Variants in B3GNT3 observed in about 807,000 individuals in gnomAD.
B3GNT3 encodes the protein UDP-GlcNAc:betaGal beta-1,3-N-acetylglucosaminyltransferase 3, also known as N-acetyllactosaminide beta-1,3-N-acetylglucosaminyltransferase 3.
B3GNT3 carries 7 observed loss-of-function variants against 11.6 expected under a neutral mutation model. The observed-to-expected ratio is 0.60, with a 90% CI of 0.34 to 1.13. B3GNT3 has a LOEUF of 1.13. Among genes scored for constraint, B3GNT3 ranks in the 50% most tolerant of loss-of-function variants. The pLI, the probability that B3GNT3 is intolerant of heterozygous loss-of-function variation, is 0.03. For missense variants in B3GNT3, 400 were observed against 507.4 expected, an observed-to-expected ratio of 0.79 and a Z score of 2.03; for synonymous variants, 201 against 222.1, an observed-to-expected ratio of 0.90 and a Z score of 0.85.
chr19:17,804,659 T>A (rs1181973955), intron 1 of B3GNT3, among the ~76,000 whole-genome samples: 2 of 148,106 alleles, frequency 1.4e-5, no homozygotes, highest in Non-Finnish European at 3.0e-5. Context: ...TTCCTCAGCC[T>A]CCTGAGTAGC....
chr19:17,807,035 G>C (rs1019683737), intron 1 of B3GNT3, among the ~76,000 whole-genome samples: 7 of 151,366 alleles, frequency 4.6e-5, no homozygotes, highest in Non-Finnish European at 8.8e-5. Flanking sequence ...CAGGATGGTG[G>C]ACTCATGGTC....
chr19:17,807,963 A>T lies in B3GNT3; in HGVS notation c.156A>T (p.Pro52=). The T allele has an allele frequency of 2.1e-5, 26 of 1,223,078 alleles. No individual in the cohort carries two copies. Among genetic ancestry groups the T allele is most frequent in the Non-Finnish European group, 2.8e-5 (24 of 866,288 alleles). 75.8% of individuals were successfully genotyped at this position (1,223,078 alleles called of 1,614,324 possible). A position where few individuals can be genotyped will look rare whatever the true frequency, so the allele number is the denominator to read the frequency against. The stretch of plus-strand genomic sequence containing the variant: ...CCGAGGCCCTGGCCTGGCCCACTCC[A>T]CCCACCCGCCCAGCCCCGGCCCCGT... The part of the protein sequence containing the change: ...AIPEALAWPT[P]PTRPAPAPCH... Residue 52 remains proline, a synonymous_variant, in exon 2 of 3, where the codon CCA becomes CCT. Coordinates refer to ENST00000318683, the MANE Select transcript of B3GNT3 (RefSeq NM_014256.4).
At chr19:17,803,899 T>C (rs2094169422) in intron 1 of B3GNT3, among the ~76,000 whole-genome samples, 1 of 152,024 alleles carries the variant, frequency 6.6e-6, no homozygotes, top group African/African-American at 2.4e-5. Context: ...AGGTGGCTTA[T>C]GTCTGTAATC....
Position 17,811,654 on chromosome 19 carries a change from A to C in B3GNT3, c.651A>C (p.Thr217=). ...LNGDDDVFAH[T]DNMVFYLQDH... ...GGGATGATGACGTCTTTGCACACACAGACAACATGGTCTTCTACCTGCAGG... is the reference window on the plus strand; with the variant it reads ...GGGATGATGACGTCTTTGCACACACCGACAACATGGTCTTCTACCTGCAGG... Residue 217 remains threonine (T), a synonymous_variant, in exon 3 of 3, where the codon ACA becomes ACC. Coordinates refer to ENST00000318683, the MANE Select transcript of B3GNT3 (RefSeq NM_014256.4). This position sits in a 1 kb window ranked among gnomAD's most constrained non-coding sequence, Gnocchi z 4.1. 1 of 1,614,224 alleles carries C rather than the reference A, an allele frequency of 6.2e-7. No homozygotes were observed. The highest frequency in any genetic ancestry group is 8.5e-7 in the Non-Finnish European group (1 of 1,180,030).
Position 17,807,960 on chromosome 19 carries a change from T to TCC in B3GNT3, c.154_155dup (p.Pro53HisfsTer61). Reference sequence around the variant, plus strand: ...TCCCCGAGGCCCTGGCCTGGCCCACTCCACCCACCCGCCCAGCCCCGGCCC... The same window carrying TCC: ...TCCCCGAGGCCCTGGCCTGGCCCACTCCCCACCCACCCGCCCAGCCCCGGCCC... On this transcript the variant is annotated frameshift_variant, in exon 2 of 3. Transcript: ENST00000318683. LOFTEE classifies it high-confidence loss of function. The TCC allele has an allele frequency of 6.2e-7, 1 of 1,609,540 alleles. No individual in the cohort carries two copies. Among genetic ancestry groups the TCC allele is most frequent in the Non-Finnish European group, 8.5e-7 (1 of 1,178,122 alleles).
At chr19:17,806,358 G>GGGCT (rs1241729667) in intron 1 of B3GNT3, among the ~76,000 whole-genome samples, 5 of 152,086 alleles carry the variant, frequency 3.3e-5, no homozygotes, top group African/African-American at 1.2e-4. Flanking sequence ...ATTGAGGGCA[G>GGGCT]GGCTGGCTTG....
intron 2 of B3GNT3, among the ~76,000 whole-genome samples, chr19:17,809,080 C>T (rs917344679): frequency 1.3e-5 from 2 of 151,936 alleles, no homozygotes; most frequent in Non-Finnish European, 1.5e-5. Flanking sequence ...GTGATCTTCC[C>T]GCCTCGGCCT....
At chr19:17,805,304 G>T (rs1188807848) in intron 1 of B3GNT3, among the ~76,000 whole-genome samples, 1 of 151,878 alleles carries the variant, frequency 6.6e-6, no homozygotes, top group East Asian at 1.9e-4. Context: ...TCACCATGTT[G>T]CCCAGGCTGG....
intron 1 of B3GNT3, among the ~76,000 whole-genome samples, chr19:17,806,983 G>T (rs904082082): frequency 6.7e-5 from 10 of 149,430 alleles, no homozygotes; most frequent in South Asian, 2.1e-4. Context: ...TTCTGATACT[G>T]CTCCATGCTG....
chr19:17,812,468 G>A lies in B3GNT3; in HGVS notation c.*346G>A, dbSNP rs146981100. The A allele has an allele frequency of 6.8e-4, 177 of 259,844 alleles. 3 individuals are homozygous for A. Among genetic ancestry groups the A allele is most frequent in the African/African-American group, 2.5e-3 (114 of 44,854 alleles). 16.1% of individuals were successfully genotyped at this position (259,844 alleles called of 1,614,324 possible). A position where few individuals can be genotyped will look rare whatever the true frequency, so the allele number is the denominator to read the frequency against. On this transcript the variant is annotated 3_prime_UTR_variant, in exon 3 of 3. Coordinates refer to ENST00000318683, the MANE Select transcript of B3GNT3 (RefSeq NM_014256.4). ...TCCCTGCTCTCACCTACTCACAGAC[G>A]GGATGCTAAGCAGTGCACCTGCAGT...
intron 1 of B3GNT3, among the ~76,000 whole-genome samples, chr19:17,806,770 G>T (rs1048812252): frequency 1.3e-5 from 2 of 151,926 alleles, no homozygotes; most frequent in Non-Finnish European, 2.9e-5. Context: ...TGGCCAACAC[G>T]GTGAAACCTT....
chr19:17,801,920 T>A (rs957916032), intron 1 of B3GNT3, among the ~76,000 whole-genome samples: 1 of 152,130 alleles, frequency 6.6e-6, no homozygotes, highest in Non-Finnish European at 1.5e-5. Flanking sequence ...AAACCCCGTC[T>A]CTACTAAAAA....
rs1055965113 is a variant in B3GNT3 at position 17,802,095 on chromosome 19, A to G, written c.-50-5663A>G. Among the ~76,000 whole-genome samples, 26 of 151,800 alleles carry G rather than the reference A, an allele frequency of 1.7e-4. 1 individual carries two copies. Among genetic ancestry groups the G allele is most frequent in the African/African-American group, 5.3e-4 (22 of 41,418 alleles). On this transcript the variant is annotated intron_variant, in intron 1 of 2. Transcript: ENST00000318683. ...CTAGCAAGATTCTGTCTCCAAAAAAAAAAAAAAATCATTGTAGAGACAGGG... is the reference window on the plus strand; with the variant it reads ...CTAGCAAGATTCTGTCTCCAAAAAAGAAAAAAAATCATTGTAGAGACAGGG...
chr19:17,809,740 C>T (rs1282465737), intron 2 of B3GNT3, among the ~76,000 whole-genome samples: 2 of 151,886 alleles, frequency 1.3e-5, no homozygotes, highest in African/African-American at 2.4e-5. Context: ...TGAGCCACCA[C>T]GCACAGCCTC....
chr19:17,811,569 A>C lies in B3GNT3; in HGVS notation c.568-2A>C. The stretch of plus-strand genomic sequence containing the variant: ...AGCATGCCCTGTCCACCCTGCCTGC[A>C]GGTCCTGTTCTTACAGTGGCAGGAG... On this transcript the variant is annotated splice_acceptor_variant, in intron 2 of 2. Coordinates refer to ENST00000318683, the MANE Select transcript of B3GNT3 (RefSeq NM_014256.4). LOFTEE classifies it high-confidence loss of function. This position sits in a 1 kb window ranked among gnomAD's most constrained non-coding sequence, Gnocchi z 4.1. 6.2e-7 allele frequency: 1 copy of C among 1,607,184 alleles called. No individual in the cohort carries two copies. The highest frequency in any genetic ancestry group is 8.5e-7 in the Non-Finnish European group (1 of 1,175,388).
chr19:17,800,173 G>A (rs1599843837), intron 1 of B3GNT3, among the ~76,000 whole-genome samples: 1 of 152,070 alleles, frequency 6.6e-6, no homozygotes, highest in Admixed American at 6.6e-5. Context: ...TCAGGAGTTC[G>A]AGACCAGCCT....
chr19:17,805,259 C>T (rs1019747637), intron 1 of B3GNT3, among the ~76,000 whole-genome samples: 4 of 151,754 alleles, frequency 2.6e-5, no homozygotes, highest in African/African-American at 7.3e-5. Flanking sequence ...ATCATCACGC[C>T]GGCTAACTTT....
intron 1 of B3GNT3, among the ~76,000 whole-genome samples, chr19:17,796,081 T>TTTTG (rs914193941): frequency 1.3e-5 from 2 of 152,062 alleles, no homozygotes; most frequent in Non-Finnish European, 2.9e-5. Context: ...GATTTAAACT[T>TTTTG]TTTGTTTGTT....
At chr19:17,794,933 A>T (rs1381329420), upstream of B3GNT3, 1 of 152,516 alleles carries the variant, frequency 6.6e-6, no homozygotes, top group Non-Finnish European at 1.5e-5. Flanking sequence ...GCGGGATGGC[A>T]GAGGTGGCAG....
Sources: allele counts gnomAD v4.1 joint callset (sites outside exome capture counted in the v4.1 genomes callset), GRCh38; gene constraint gnomAD v4.1.1; non-coding constraint Gnocchi (gnomAD v3.1); transcripts MANE v1.5; gene names NCBI Gene and HGNC (gene_info 2026-07-23, HGNC 2026-07-21).